FKBP1B: variants seen among roughly 807,000 people sequenced by gnomAD.
FKBP1B encodes the protein peptidyl-prolyl cis-trans isomerase FKBP1B.
In FKBP1B, 4 loss-of-function variants were observed where a neutral mutation model predicts 13.5. The observed-to-expected ratio is 0.30, with a 90% CI of 0.15 to 0.68. The LOEUF is 0.68. Ranked by LOEUF, FKBP1B falls within the 30% of genes least tolerant of loss-of-function variation. The pLI is 0.76. For synonymous variants in FKBP1B, 54 were observed against 53.6 expected (o/e 1.01, Z -0.03); for missense variants, 93 against 136.2 (o/e 0.68, Z 1.58).
At chr2:24,059,803 G>C (rs960537931) in intron 2 of FKBP1B, among the ~76,000 whole-genome samples, 7 of 148,960 alleles carry the variant, frequency 4.7e-5, no homozygotes, top group African/African-American at 1.7e-4. Flanking sequence ...GCTGAGGCAG[G>C]AGAATCCCTT....
At chr2:24,035,970 G>A in the FKBP1B span, among the ~76,000 whole-genome samples, 1 of 151,648 alleles carries the variant, frequency 6.6e-6, no homozygotes, top group Non-Finnish European at 1.5e-5. Context: ...TTGGGAGGCT[G>A]AGGCAGGAGA....
chr2:24,057,182 TTTTC>T (rs998444387), intron 2 of FKBP1B, among the ~76,000 whole-genome samples: 1 of 152,046 alleles, frequency 6.6e-6, no homozygotes, highest in South Asian at 2.1e-4. Flanking sequence ...TTTAAAATTT[TTTTC>T]TTTCTTTTTT....
the FKBP1B span, among the ~76,000 whole-genome samples, chr2:24,042,964 C>CG: frequency 7.1e-6 from 1 of 141,128 alleles, no homozygotes; most frequent in African/African-American, 2.7e-5. Context: ...ACCCAGGAGG[C>CG]GGAGGTTGCA....
the FKBP1B span, chr2:24,039,078 GA>G: frequency 6.2e-7 from 1 of 1,614,058 alleles, no homozygotes; most frequent in East Asian, 2.2e-5. Flanking sequence ...GAACATTAGG[GA>G]AAATGGAGAC....
chr2:24,036,926 G>C, the FKBP1B span, among the ~76,000 whole-genome samples: 10 of 152,236 alleles, frequency 6.6e-5, no homozygotes, highest in African/African-American at 2.4e-4. Flanking sequence ...TTATATAGGA[G>C]GAAAGTGTCC....
At chr2:24,053,804 G>C in intron 1 of FKBP1B, 98 bp from the exon 2 acceptor site, 1 of 1,145,210 alleles carries the variant, frequency 8.7e-7, no homozygotes, top group Non-Finnish European at 1.3e-6. Context: ...TGGCATGGAG[G>C]GGAATGCAGG....
chr2:24,044,098 A>G, the FKBP1B span, among the ~76,000 whole-genome samples: 3 of 152,192 alleles, frequency 2.0e-5, no homozygotes, highest in African/African-American at 4.8e-5. Context: ...TAATGCCATG[A>G]TACACTTTCA....
chr2:24,039,402 C>A, the FKBP1B span: 2 of 1,614,250 alleles, frequency 1.2e-6, no homozygotes, highest in East Asian at 2.2e-5. Context: ...CAACTTGATT[C>A]CCATCGGTCC....
chr2:24,034,077 T>A, the FKBP1B span, among the ~76,000 whole-genome samples: 8 of 152,256 alleles, frequency 5.3e-5, no homozygotes, highest in African/African-American at 1.7e-4. Context: ...TTGATTATTG[T>A]GTAACTTTTA....
At chr2:24,060,688 G>A in intron 2 of FKBP1B, 126 bp from the exon 3 acceptor site, 1 of 673,624 alleles carries the variant, frequency 1.5e-6, no homozygotes, top group Non-Finnish European at 2.6e-6. Context: ...GCAACAGGAT[G>A]GATGGGGAGG....
At chr2:24,036,662 A>G in the FKBP1B span, among the ~76,000 whole-genome samples, 1 of 152,242 alleles carries the variant, frequency 6.6e-6, no homozygotes, top group Non-Finnish European at 1.5e-5. Context: ...TGGAGTAGCT[A>G]AAAACTAAAA....
chr2:24,044,613 G>A, the FKBP1B span, among the ~76,000 whole-genome samples: 2 of 151,882 alleles, frequency 1.3e-5, no homozygotes, highest in South Asian at 2.1e-4. Flanking sequence ...TGTCATCTTC[G>A]GTAACAAGAA....
At chr2:24,056,678 A>G (rs1664142900) in intron 2 of FKBP1B, among the ~76,000 whole-genome samples, 1 of 151,708 alleles carries the variant, frequency 6.6e-6, no homozygotes. Flanking sequence ...ATTTTAGAAA[A>G]TTAGGTTGTC....
chr2:24,062,925 T>A, intron 3 of FKBP1B, 139 bp from the exon 4 acceptor site: 1 of 1,252,038 alleles, frequency 8.0e-7, no homozygotes, highest in Non-Finnish European at 1.1e-6. Flanking sequence ...TTTCAATGTA[T>A]CCCATGTAAA....
the FKBP1B span, chr2:24,038,714 C>G: frequency 1.9e-6 from 3 of 1,614,186 alleles, no homozygotes; most frequent in Non-Finnish European, 2.5e-6. Flanking sequence ...GCCTCTTTAT[C>G]CATAGAGCGT....
At chr2:24,059,378 G>GGGGC (rs1553320959) in intron 2 of FKBP1B, among the ~76,000 whole-genome samples, 2 of 151,914 alleles carry the variant, frequency 1.3e-5, no homozygotes. Context: ...CACCTGGGGG[G>GGGGC]GGGTTCTGGT....
At chr2:24,053,559 C>G (rs1195894134) in intron 1 of FKBP1B, among the ~76,000 whole-genome samples, 2 of 151,464 alleles carry the variant, frequency 1.3e-5, no homozygotes, top group South Asian at 4.2e-4. Context: ...CTCTGCATGT[C>G]TGAAGTCTGG....
At chr2:24,037,960 G>A in the FKBP1B span, 1 of 1,614,208 alleles carries the variant, frequency 6.2e-7, no homozygotes, top group Non-Finnish European at 8.5e-7. Flanking sequence ...AGCATCTAGA[G>A]CTATGGAGCC....
At chr2:24,039,944 C>T in the FKBP1B span, among the ~76,000 whole-genome samples, 14 of 151,936 alleles carry the variant, frequency 9.2e-5, no homozygotes, top group Admixed American at 8.5e-4. Context: ...ATTACAGGTG[C>T]CTGCCACCAG....
Sources: allele counts gnomAD v4.1 joint callset (sites outside exome capture counted in the v4.1 genomes callset), GRCh38; gene constraint gnomAD v4.1.1; transcripts MANE v1.5; gene names NCBI Gene and HGNC (gene_info 2026-07-23, HGNC 2026-07-21).